The following NBEA variants were observed in gnomAD, a reference collection of about 807,000 sequenced individuals.
NBEA encodes lysosomal-trafficking regulator 2.
NBEA carries 44 observed loss-of-function variants against 343.4 expected under a neutral mutation model. That is an observed-to-expected ratio of 0.13 (90% CI 0.10 to 0.16). The LOEUF (loss-of-function observed/expected upper bound fraction) is 0.16, where lower values mean the gene tolerates loss of function less well. NBEA is among the 10% of genes least tolerant of loss of function. The pLI is 1.00. For synonymous variants in NBEA, 1,175 were observed against 1,238.7 expected (o/e 0.95, Z 1.08); for missense variants, 2,555 against 3,631.3 (o/e 0.70, Z 7.62).
intron 1 of NBEA, among the ~76,000 whole-genome samples, chr13:35,038,121 C>T (rs1416285875): frequency 1.3e-5 from 2 of 152,174 alleles, no homozygotes; most frequent in Non-Finnish European, 2.9e-5. Context: ...TTTCCAAAGG[C>T]TGAGGAGCCT....
At chr13:35,308,486 G>GTGTATATA (rs1566597201) in intron 35 of NBEA, among the ~76,000 whole-genome samples, 11 of 93,802 alleles carry the variant, frequency 1.2e-4, no homozygotes, top group South Asian at 7.2e-4. Flanking sequence ...ATATATATAT[G>GTGTATATA]TGTATATATA....
chr13:35,111,080 T>G, intron 13 of NBEA, 102 bp downstream of exon 13: 1 of 996,292 alleles, frequency 1.0e-6, no homozygotes, highest in Non-Finnish European at 1.3e-6. Flanking sequence ...ATCACTGAAA[T>G]GTTTTCTTTC....
chr13:35,657,233 G>A (rs548348105), intron 55 of NBEA, among the ~76,000 whole-genome samples: 21 of 152,302 alleles, frequency 1.4e-4, no homozygotes, highest in African/African-American at 5.1e-4. Flanking sequence ...GTTGAACAGT[G>A]GATGAAGAAA....
intron 35 of NBEA, among the ~76,000 whole-genome samples, chr13:35,296,580 C>A (rs1386404019): frequency 1.3e-5 from 2 of 151,924 alleles, no homozygotes; most frequent in Non-Finnish European, 2.9e-5. Context: ...TGACACTAAG[C>A]CCACCTCCCT....
intron 18 of NBEA, among the ~76,000 whole-genome samples, chr13:35,145,250 A>G (rs2152698855): frequency 6.6e-6 from 1 of 152,262 alleles, no homozygotes; most frequent in South Asian, 2.1e-4. Context: ...AAATCTTGCA[A>G]ATTCCTGTCA....
chr13:35,343,299 G>A lies in NBEA; in HGVS notation c.5904-5809G>A, dbSNP rs144436021. On this transcript the variant is annotated intron_variant, in intron 36 of 58. Coordinates refer to ENST00000379939, the MANE Select transcript of NBEA (RefSeq NM_001385012.1). ...AGAAAATGACAAATCTGCCATCTTT[G>A]TGGAAGATTTCAACACTCCTATCTC... 5.9e-3 allele frequency among the ~76,000 whole-genome samples: 899 copies of A among 152,114 alleles called. 12 individuals are homozygous for A. The highest frequency in any genetic ancestry group is 0.021 in the African/African-American group (856 of 41,534).
chr13:35,070,530 A>G (rs2063824791), intron 9 of NBEA, among the ~76,000 whole-genome samples, 189 bp from the exon 10 acceptor site: 1 of 152,034 alleles, frequency 6.6e-6, no homozygotes, highest in South Asian at 2.1e-4. Context: ...TCAACCTAAG[A>G]TTTGAAATTT....
At chr13:35,334,995 A>C (rs1279673721) in intron 36 of NBEA, among the ~76,000 whole-genome samples, 1 of 152,096 alleles carries the variant, frequency 6.6e-6, no homozygotes, top group Admixed American at 6.6e-5. Context: ...GAGTTTATGG[A>C]TTTAAATCTT....
At chr13:35,558,570 G>C (rs2079697416) in intron 44 of NBEA, among the ~76,000 whole-genome samples, 1 of 151,820 alleles carries the variant, frequency 6.6e-6, no homozygotes, top group African/African-American at 2.4e-5. Flanking sequence ...AAGTTTCACT[G>C]TCATTTGTTC....
chr13:35,454,177 G>A (rs1022328168), intron 40 of NBEA, among the ~76,000 whole-genome samples: 5 of 152,160 alleles, frequency 3.3e-5, no homozygotes, highest in African/African-American at 1.2e-4. Context: ...GAATACAGTG[G>A]AAAAGAAGTA....
At chr13:35,005,030 T>C (rs999110913) in intron 1 of NBEA, among the ~76,000 whole-genome samples, 3 of 152,176 alleles carry the variant, frequency 2.0e-5, no homozygotes, top group Non-Finnish European at 2.9e-5. Context: ...ATTAAGTTGA[T>C]ACTGATTATC....
intron 41 of NBEA, among the ~76,000 whole-genome samples, chr13:35,529,967 A>T (rs1023805483): frequency 2.6e-5 from 4 of 152,228 alleles, no homozygotes; most frequent in African/African-American, 9.6e-5. Flanking sequence ...TCAAATATCA[A>T]TAAGCTGAAC....
chr13:35,574,406 A>AAAC (rs1326434286), intron 45 of NBEA, among the ~76,000 whole-genome samples: 4 of 105,058 alleles, frequency 3.8e-5, no homozygotes, highest in South Asian at 3.2e-4. Context: ...CAAAAGAAAA[A>AAAC]AAACAAGGAA....
At chr13:35,051,545 T>C (rs2063066022) in intron 6 of NBEA, among the ~76,000 whole-genome samples, 1 of 152,020 alleles carries the variant, frequency 6.6e-6, no homozygotes. Flanking sequence ...AGAATATCAA[T>C]TTAACAGTAA....
chr13:35,194,385 T>A (rs1173346688), intron 30 of NBEA, among the ~76,000 whole-genome samples: 1 of 152,078 alleles, frequency 6.6e-6, no homozygotes, highest in African/African-American at 2.4e-5. Flanking sequence ...CCTGGTTTCT[T>A]GTCCTAACAA....
intron 41 of NBEA, among the ~76,000 whole-genome samples, chr13:35,539,942 A>AAAAT (rs1566289232): frequency 2.7e-5 from 4 of 147,698 alleles, no homozygotes; most frequent in African/African-American, 9.9e-5. Context: ...AAAAAAAAAA[A>AAAAT]GTGCACTAGT....
At chr13:35,364,818 CCTGATTTAA>C (rs1475803642) in intron 38 of NBEA, among the ~76,000 whole-genome samples, 2 of 151,698 alleles carry the variant, frequency 1.3e-5, no homozygotes, top group Non-Finnish European at 3.0e-5. Context: ...GATGGTATTG[CCTGATTTAA>C]CAGGAGCCTT....
rs531353705 is a variant in NBEA, at chr13:35,440,361, C to CT, written c.6304+7969dup. 9.7e-4 allele frequency among the ~76,000 whole-genome samples: 147 copies of CT among 152,218 alleles called. 1 individual carries two copies. In the Middle Eastern group the frequency reaches 0.014, roughly 14 times the overall value. On this transcript the variant is annotated intron_variant, in intron 39 of 58. Coordinates refer to ENST00000379939, the MANE Select transcript of NBEA (RefSeq NM_001385012.1). ...TGTTCAGAATCTTGCTTCTTTTAGA[C>CT]TAATTTTTGGTAAAGTGTACACACA...
chr13:35,109,843 T>A (rs2066098986), intron 12 of NBEA, among the ~76,000 whole-genome samples: 1 of 151,898 alleles, frequency 6.6e-6, no homozygotes, highest in South Asian at 2.1e-4. Flanking sequence ...AATTTAAAAA[T>A]AAATATATAC....
Sources: allele counts gnomAD v4.1 joint callset (sites outside exome capture counted in the v4.1 genomes callset), GRCh38; gene constraint gnomAD v4.1.1; transcripts MANE v1.5; gene names NCBI Gene and HGNC (gene_info 2026-07-23, HGNC 2026-07-21).